Variants in KLHL29 observed in about 807,000 individuals in gnomAD.
KLHL29 encodes the protein kelch-like protein 29.
KLHL29 carries 21 observed loss-of-function variants against 80.4 expected under a neutral mutation model. The observed-to-expected ratio is 0.26, with a 90% CI of 0.19 to 0.38. KLHL29 has a LOEUF of 0.38. Among genes scored for constraint, KLHL29 ranks in the 10% least tolerant of loss-of-function variants. The pLI, the probability that KLHL29 is intolerant of heterozygous loss-of-function variation, is 1.00. For missense variants in KLHL29, 867 were observed against 1,223.9 expected (o/e 0.71, Z 4.35); for synonymous variants, 511 against 526.8 (o/e 0.97, Z 0.41).
At chr2:23,431,395 A>G (rs970858522) in intron 1 of KLHL29, among the ~76,000 whole-genome samples, 1 of 152,098 alleles carries the variant, frequency 6.6e-6, no homozygotes, top group Non-Finnish European at 1.5e-5. Context: ...TAACAAGTGT[A>G]TTTTCTCTGA....
At chr2:23,589,767 AT>A (rs1668210110) in intron 3 of KLHL29, among the ~76,000 whole-genome samples, 1 of 152,186 alleles carries the variant, frequency 6.6e-6, no homozygotes, top group Non-Finnish European at 1.5e-5. Flanking sequence ...CAGAAGCTAA[AT>A]CCAGCACTCT....
chr2:23,652,659 G>C (rs979227432), intron 5 of KLHL29, among the ~76,000 whole-genome samples: 10 of 152,268 alleles, frequency 6.6e-5, no homozygotes, highest in African/African-American at 2.4e-4. Context: ...TCACCTCCTT[G>C]GTCTTGAGCA....
chr2:23,659,248 G>A (rs1670334318), intron 5 of KLHL29, among the ~76,000 whole-genome samples: 1 of 152,190 alleles, frequency 6.6e-6, no homozygotes, highest in African/African-American at 2.4e-5. Flanking sequence ...CCGCAGCGGC[G>A]CTGGGGGACT....
chr2:23,592,345 AC>A (rs1384242945), intron 3 of KLHL29, among the ~76,000 whole-genome samples: 1 of 152,164 alleles, frequency 6.6e-6, no homozygotes, highest in African/African-American at 2.4e-5. Context: ...GGCCACTCTG[AC>A]CCTAAGACCC....
intron 1 of KLHL29, among the ~76,000 whole-genome samples, chr2:23,436,429 A>G (rs1663345515): frequency 6.6e-6 from 1 of 151,616 alleles, no homozygotes; most frequent in Admixed American, 6.6e-5. Context: ...ATATGGTCTT[A>G]ATTGTGTGGT....
intron 2 of KLHL29, among the ~76,000 whole-genome samples, chr2:23,528,939 C>G (rs1415437804): frequency 1.3e-5 from 2 of 152,180 alleles, no homozygotes; most frequent in Admixed American, 6.5e-5. Flanking sequence ...AGGGGTGCCC[C>G]TTGGGCCTTG....
intron 1 of KLHL29, among the ~76,000 whole-genome samples, chr2:23,421,524 T>TGGTGTGTG (rs1662799588): frequency 7.0e-6 from 1 of 143,514 alleles, no homozygotes; most frequent in African/African-American, 2.5e-5. Flanking sequence ...TTAGACAAGA[T>TGGTGTGTG]TGTGTGTGTG....
chr2:23,659,350 A>G (rs1334669410), intron 5 of KLHL29, among the ~76,000 whole-genome samples: 1 of 152,084 alleles, frequency 6.6e-6, no homozygotes, highest in African/African-American at 2.4e-5. Flanking sequence ...TATGTTCATG[A>G]CCTCCGTTTA....
intron 5 of KLHL29, among the ~76,000 whole-genome samples, chr2:23,661,041 A>AAG (rs542195291): frequency 1.5e-4 from 22 of 149,408 alleles, no homozygotes; most frequent in Middle Eastern, 3.7e-3. Context: ...CAGAAAAAAA[A>AAG]AGAGAGAGAG....
At chr2:23,590,764 A>G (rs1668239469) in intron 3 of KLHL29, among the ~76,000 whole-genome samples, 1 of 152,186 alleles carries the variant, frequency 6.6e-6, no homozygotes, top group Non-Finnish European at 1.5e-5. Flanking sequence ...CAAGGCAGGG[A>G]GAGTGCGCCG....
intron 11 of KLHL29, among the ~76,000 whole-genome samples, chr2:23,698,490 G>C (rs529123301): frequency 5.9e-5 from 9 of 152,256 alleles, no homozygotes; most frequent in African/African-American, 1.9e-4. Context: ...CAGACACGAG[G>C]GGGCTTTGTT....
chr2:23,703,709 C>G lies in KLHL29; in HGVS notation c.2300-10C>G. 2 of 1,533,332 alleles carry G rather than the reference C, an allele frequency of 1.3e-6. No individual in the cohort carries two copies. Among genetic ancestry groups the G allele is most frequent in the South Asian group, 1.2e-5 (1 of 83,346 alleles). The allele number at this position is 1,533,332 out of a possible 1,614,324, so 95.0% of individuals were successfully genotyped here. ...GCTGCCGTGACCTGCCTGCTCTGCT[C>G]TCCTCACAGACAACAAGTATGCCCC... On this transcript the variant is annotated splice_polypyrimidine_tract_variant and intron_variant, in intron 12 of 13. Coordinates refer to ENST00000486442, the MANE Select transcript of KLHL29 (RefSeq NM_052920.2).
At chr2:23,701,750 T>C (rs1411764628) in intron 11 of KLHL29, among the ~76,000 whole-genome samples, 1 of 149,110 alleles carries the variant, frequency 6.7e-6, no homozygotes, top group African/African-American at 2.5e-5. Context: ...GCACTCTAGA[T>C]AAAGCCCAAC....
chr2:23,419,518 G>A (rs1302277960), intron 1 of KLHL29, among the ~76,000 whole-genome samples: 1 of 152,212 alleles, frequency 6.6e-6, no homozygotes, highest in East Asian at 1.9e-4. Flanking sequence ...CGCTAGGCTT[G>A]ACTCATCTCT....
At chr2:23,654,696 T>TGGGGGGGG (rs796647247) in intron 5 of KLHL29, among the ~76,000 whole-genome samples, 1 of 65,652 alleles carries the variant, frequency 1.5e-5, no homozygotes, top group Non-Finnish European at 3.7e-5. Context: ...GAACAGAGGT[T>TGGGGGGGG]GGGGGGGGGG....
At chr2:23,392,286 TA>T (rs1188728416) in intron 1 of KLHL29, among the ~76,000 whole-genome samples, 23 of 152,356 alleles carry the variant, frequency 1.5e-4, no homozygotes, top group Middle Eastern at 3.4e-3. Context: ...CCAGGGCATG[TA>T]TATATATTAT....
At position 23,460,575 on chromosome 2, in the gene KLHL29, A is replaced by G. The variant is rs1294386124; in HGVS notation, c.-153-14985A>G. ...AGATTAATATGTGCATGTGGTAACT[A>G]CAGGAGCTCAGAGGATGAGCACTTG... On this transcript the variant is annotated intron_variant, in intron 1 of 13. Transcript: ENST00000486442. Among the ~76,000 whole-genome samples, 11 of 152,228 alleles carry G rather than the reference A, an allele frequency of 7.2e-5. No homozygotes were observed. In the South Asian group the frequency reaches 1.2e-3, roughly 17 times the overall value.
chr2:23,443,967 G>T (rs1489405629), intron 1 of KLHL29, among the ~76,000 whole-genome samples: 1 of 152,152 alleles, frequency 6.6e-6, no homozygotes, highest in African/African-American at 2.4e-5. Context: ...ATTGTAAAAT[G>T]GTGATTTTTA....
At chr2:23,702,376 A>G (rs1286169799) in intron 11 of KLHL29, among the ~76,000 whole-genome samples, 7 of 152,250 alleles carry the variant, frequency 4.6e-5, no homozygotes, top group African/African-American at 1.7e-4. Flanking sequence ...ATAAAATGTC[A>G]GATATCTCAT....
Sources: allele counts gnomAD v4.1 joint callset (sites outside exome capture counted in the v4.1 genomes callset), GRCh38; gene constraint gnomAD v4.1.1; transcripts MANE v1.5; gene names NCBI Gene and HGNC (gene_info 2026-07-23, HGNC 2026-07-21).